ZNF799: variants seen among roughly 807,000 people sequenced by gnomAD.
ZNF799 encodes zinc finger protein 799.
In ZNF799, 28 loss-of-function variants were observed where a neutral mutation model predicts 41.0. The ratio of observed to expected loss-of-function variants is 0.68; its 90% confidence interval spans 0.51 to 0.94. The LOEUF is 0.94. Among genes scored for constraint, ZNF799 ranks in the 40% least tolerant of loss-of-function variants. ZNF799 has a pLI of 0.00. For synonymous variants in ZNF799, 213 were observed against 252.9 expected, an observed-to-expected ratio of 0.84 and a Z score of 1.50; for missense variants, 716 against 764.3, an observed-to-expected ratio of 0.94 and a Z score of 0.74.
At chr19:12,399,067 T>A (rs563587929) in intron 1 of ZNF799, among the ~76,000 whole-genome samples, 2 of 152,208 alleles carry the variant, frequency 1.3e-5, no homozygotes, top group African/African-American at 2.4e-5. Flanking sequence ...CAATCTCTAA[T>A]CATAGGATGT....
the ZNF799 span, among the ~76,000 whole-genome samples, chr19:12,414,447 C>T: frequency 6.6e-6 from 1 of 152,176 alleles, no homozygotes; most frequent in African/African-American, 2.4e-5. Flanking sequence ...GAATCCCAGA[C>T]CACTGTCCAG....
At chr19:12,401,766 G>C (rs377539006), upstream of ZNF799, among the ~76,000 whole-genome samples, 15 of 151,822 alleles carry the variant, frequency 9.9e-5, no homozygotes, top group East Asian at 1.8e-3. Context: ...AGTAGAGGCC[G>C]GGTTTCACCA....
chr19:12,407,188 G>A, the ZNF799 span, among the ~76,000 whole-genome samples: 1 of 152,266 alleles, frequency 6.6e-6, no homozygotes, highest in South Asian at 2.1e-4. Context: ...ATTTGGGCTG[G>A]CTCAGTGGCT....
At chr19:12,407,959 C>A in the ZNF799 span, among the ~76,000 whole-genome samples, 1 of 152,052 alleles carries the variant, frequency 6.6e-6, no homozygotes, top group African/African-American at 2.4e-5. Context: ...AAGTTCAAGA[C>A]CAGCATCAGC....
In ZNF799 at chr19:12,390,199, C is replaced by T. The variant is rs1400527903; in HGVS notation, c.*267G>A. ...CATGAGGTATTTTAAGTAATCTAGA[C>T]ATAATTGAGAGTATACAAGAGGATG... On this transcript the variant is annotated 3_prime_UTR_variant, in exon 4 of 4. Coordinates refer to ENST00000430385, the MANE Select transcript of ZNF799 (RefSeq NM_001080821.3). The T allele has an allele frequency of 2.4e-5, 15 of 614,986 alleles. No homozygotes were observed. Among genetic ancestry groups the T allele is most frequent in the Non-Finnish European group, 3.9e-5 (14 of 358,892 alleles). 38.1% of individuals were successfully genotyped at this position (614,986 alleles called of 1,614,324 possible). A position where few individuals can be genotyped will look rare whatever the true frequency, so the allele number is the denominator to read the frequency against.
chr19:12,400,191 AGGGGAAAC>A (rs899123856), intron 1 of ZNF799: 2 of 152,380 alleles, frequency 1.3e-5, no homozygotes, highest in African/African-American at 4.8e-5. Context: ...GAAGACTCAG[AGGGGAAAC>A]GGTCGCCCTT....
intron 3 of ZNF799, 105 bp downstream of exon 3, chr19:12,392,498 T>C (rs1420917574): frequency 8.7e-7 from 1 of 1,155,148 alleles, no homozygotes; most frequent in East Asian, 2.4e-5. Context: ...TAAGAATAAA[T>C]AAATTTAAGC....
At chr19:12,399,243 C>G (rs1196780713) in intron 1 of ZNF799, among the ~76,000 whole-genome samples, 1 of 152,238 alleles carries the variant, frequency 6.6e-6, no homozygotes, top group Non-Finnish European at 1.5e-5. Context: ...TTCTGGTCAT[C>G]ACCCTCCCAG....
chr19:12,393,799 T>C lies in ZNF799; in HGVS notation c.4-376A>G, dbSNP rs1055822001. On this transcript the variant is annotated intron_variant, in intron 1 of 3. Transcript: ENST00000430385. ...TTAGCAGTGCTGAGACTGTGTGTCC[T>C]TACAAATGCTTTTTCACAAAGTTGG... 2.6e-5 allele frequency: 28 copies of C among 1,071,978 alleles called. No homozygotes were observed. The African/African-American group carries it at 4.5e-4, about 17-fold the overall frequency. 66.4% of individuals were successfully genotyped at this position (1,071,978 alleles called of 1,614,324 possible).
At chr19:12,396,744 G>C (rs1252044270) in intron 1 of ZNF799, among the ~76,000 whole-genome samples, 1 of 101,692 alleles carries the variant, frequency 9.8e-6, no homozygotes, top group Non-Finnish European at 2.3e-5. Context: ...CAAAAGATGT[G>C]AGCAGCCAAA....
chr19:12,407,090 G>A, the ZNF799 span, among the ~76,000 whole-genome samples: 7 of 152,242 alleles, frequency 4.6e-5, no homozygotes, highest in Admixed American at 2.6e-4. Context: ...AAGGAACAAG[G>A]ATGAGAGAAT....
rs751028377 is a variant in ZNF799, at chr19:12,391,075, T to A, written c.1323A>T (p.Thr441=). ...TATAGGGTTTCTCTCCAGTATGAGT[T>A]GTTTCATGCCTTCGAAGAGAACTGG... The part of the protein sequence containing the change: ...RISSSLRRHE[T]THTGEKPYKC... Residue 441 remains threonine, a synonymous_variant, in exon 4 of 4, where the codon ACA becomes ACT. Transcript: ENST00000430385. 50 of 1,614,076 alleles carry A rather than the reference T, an allele frequency of 3.1e-5. No homozygotes were observed. The highest frequency in any genetic ancestry group is 4.0e-5 in the Non-Finnish European group (47 of 1,180,020).
intron 1 of ZNF799, chr19:12,393,692 C>T (rs1969858000): frequency 7.8e-7 from 1 of 1,278,808 alleles, no homozygotes; most frequent in Admixed American, 3.4e-5. Context: ...CCTGGATCAC[C>T]CCTAATGTTG....
upstream of ZNF799, among the ~76,000 whole-genome samples, chr19:12,401,690 T>A (rs938355762): frequency 1.3e-5 from 2 of 150,630 alleles, no homozygotes; most frequent in African/African-American, 4.9e-5. Context: ...CAATTCTGCC[T>A]CAGCCTCCCG....
At chr19:12,403,792 T>C (rs538195142), upstream of ZNF799, among the ~76,000 whole-genome samples, 40 of 152,172 alleles carry the variant, frequency 2.6e-4, 1 homozygote, top group Non-Finnish European at 5.1e-4. Context: ...GCTCAGGTGA[T>C]CCACTCACCT....
Position 12,393,254 on chromosome 19 carries a change from A to G in ZNF799, c.130+43T>C, listed in dbSNP as rs372606497. Reference sequence around the variant, plus strand: ...GAACAGCACGAATGACCAAGAAACAAATGTCTCCAATTAAATAAGTGGAAA... The same window carrying G: ...GAACAGCACGAATGACCAAGAAACAGATGTCTCCAATTAAATAAGTGGAAA... On this transcript the variant is annotated intron_variant, in intron 2 of 3. Transcript: ENST00000430385. The G allele has an allele frequency of 4.7e-5, 44 of 933,674 alleles. 8 individuals are homozygous for G. The African/African-American group carries it at 7.0e-4, about 15-fold the overall frequency. The allele number at this position is 933,674 out of a possible 1,614,324, so 57.8% of individuals were successfully genotyped here. A position where few individuals can be genotyped will look rare whatever the true frequency, so the allele number is the denominator to read the frequency against.
chr19:12,403,351 TTTTG>T (rs569352271), upstream of ZNF799, among the ~76,000 whole-genome samples: 60 of 152,154 alleles, frequency 3.9e-4, no homozygotes, highest in African/African-American at 1.2e-3. Context: ...GGTTTGTCAG[TTTTG>T]TTTGTCTTTT....
intron 3 of ZNF799, 41 bp downstream of exon 3, chr19:12,392,562 C>A: frequency 1.3e-6 from 2 of 1,492,536 alleles, no homozygotes; most frequent in Non-Finnish European, 1.8e-6. Context: ...ATTCTCAGAA[C>A]GGCTCCAGGG....
At chr19:12,405,322 A>G (rs1970022381), upstream of ZNF799, among the ~76,000 whole-genome samples, 1 of 152,190 alleles carries the variant, frequency 6.6e-6, no homozygotes, top group South Asian at 2.1e-4. Context: ...AATTTCCTCT[A>G]GTAAACTAGG....
Sources: allele counts gnomAD v4.1 joint callset (sites outside exome capture counted in the v4.1 genomes callset), GRCh38; gene constraint gnomAD v4.1.1; transcripts MANE v1.5; gene names NCBI Gene and HGNC (gene_info 2026-07-23, HGNC 2026-07-21).